The following SEPTIN9 variants were observed in gnomAD, a reference collection of about 807,000 sequenced individuals.
SEPTIN9 encodes the protein septin 9.
A neutral mutation model predicts 56.6 loss-of-function variants in SEPTIN9; 13 were observed. That is an observed-to-expected ratio of 0.23 (90% CI 0.15 to 0.37). The LOEUF is 0.37. SEPTIN9 is among the 10% of genes least tolerant of loss of function. SEPTIN9 has a pLI of 1.00. For synonymous variants in SEPTIN9, 332 were observed against 334.1 expected (o/e 0.99, Z 0.07); for missense variants, 650 against 823.1 (o/e 0.79, Z 2.57).
chr17:77,320,722 T>G (rs899864722), intron 2 of SEPTIN9, among the ~76,000 whole-genome samples: 1 of 152,042 alleles, frequency 6.6e-6, no homozygotes, highest in Admixed American at 6.6e-5. Context: ...TGGCTGGTGG[T>G]TGGTTTGTCC....
intron 3 of SEPTIN9, among the ~76,000 whole-genome samples, chr17:77,409,709 G>T (rs2036221638): frequency 6.6e-6 from 1 of 152,144 alleles, no homozygotes; most frequent in Non-Finnish European, 1.5e-5. Context: ...GTCTGTACCC[G>T]CCGCCTCCCA....
intron 2 of SEPTIN9, among the ~76,000 whole-genome samples, chr17:77,333,281 A>G (rs1308925585): frequency 1.3e-5 from 2 of 152,216 alleles, no homozygotes; most frequent in African/African-American, 4.8e-5. Context: ...TGTCTTTTCA[A>G]ATCTGTTGCT....
intron 1 of SEPTIN9, among the ~76,000 whole-genome samples, chr17:77,284,653 G>A (rs1316955641): frequency 1.3e-5 from 2 of 151,852 alleles, no homozygotes; most frequent in African/African-American, 4.8e-5. Flanking sequence ...TTTTTGAGAC[G>A]GAGTCTCACT....
intron 2 of SEPTIN9, among the ~76,000 whole-genome samples, chr17:77,391,360 C>T (rs1469496547): frequency 6.6e-6 from 1 of 152,120 alleles, no homozygotes; most frequent in East Asian, 1.9e-4. Context: ...TAGCTTCCGG[C>T]GGCTCCTGGA....
rs1389315025 is a variant in SEPTIN9, at chr17:77,445,086, T to G, written c.722-37058T>G. 1 of 445,508 alleles carries G rather than the reference T, an allele frequency of 2.2e-6. No individual in the cohort carries two copies. The highest frequency in any genetic ancestry group is 2.6e-5 in the Admixed American group (1 of 39,138). 27.6% of individuals were successfully genotyped at this position (445,508 alleles called of 1,614,324 possible). A position where few individuals can be genotyped will look rare whatever the true frequency, so the allele number is the denominator to read the frequency against. ...GTGCAGAGGCCCCTCTGTCCCACCA[T>G]GCCTGCCTGGGGACGGCCTTCACTC... is the stretch of plus-strand genomic sequence containing the variant. On this transcript the variant is annotated intron_variant, in intron 3 of 11. Coordinates refer to ENST00000427177, the MANE Select transcript of SEPTIN9 (RefSeq NM_001113491.2). The surrounding 1 kb of genome is among the most constrained non-coding windows in gnomAD (Gnocchi z 4.7).
chr17:77,467,377 C>G (rs1272279163), intron 3 of SEPTIN9, among the ~76,000 whole-genome samples: 1 of 152,182 alleles, frequency 6.6e-6, no homozygotes, highest in Non-Finnish European at 1.5e-5. Flanking sequence ...GTCCTGTGTC[C>G]CTGGTCCTTA....
chr17:77,416,076 C>T (rs1229976809), intron 3 of SEPTIN9, among the ~76,000 whole-genome samples: 1 of 152,258 alleles, frequency 6.6e-6, no homozygotes, highest in African/African-American at 2.4e-5. Context: ...AGGCCCAGCC[C>T]TGCACGTGCA....
intron 2 of SEPTIN9, among the ~76,000 whole-genome samples, chr17:77,394,941 T>C (rs2035655966): frequency 6.6e-6 from 1 of 152,186 alleles, no homozygotes; most frequent in Admixed American, 6.5e-5. Flanking sequence ...CCGTAGGTGC[T>C]TGAGAATAGG....
intron 2 of SEPTIN9, among the ~76,000 whole-genome samples, chr17:77,348,120 C>T (rs958163763): frequency 3.9e-5 from 6 of 152,062 alleles, no homozygotes; most frequent in Non-Finnish European, 5.9e-5. Context: ...TTTATTCATT[C>T]TGACAGCCTC....
rs1051798620 is a variant in SEPTIN9, at chr17:77,405,891, A to G, written c.721+3188A>G. On this transcript the variant is annotated intron_variant, in intron 3 of 11. Transcript: ENST00000427177. The surrounding 1 kb of genome is among the most constrained non-coding windows in gnomAD (Gnocchi z 5.8). ...GGCTGGGAGTTCCCTGAGCCCCGAC[A>G]TGCACAGCTCTGACCAATCTCTGCG... 6.6e-5 allele frequency among the ~76,000 whole-genome samples: 10 copies of G among 152,236 alleles called. No individual in the cohort carries two copies. The highest frequency in any genetic ancestry group is 1.2e-4 in the African/African-American group (5 of 41,536).
At chr17:77,328,597 C>G (rs1351297162) in intron 2 of SEPTIN9, among the ~76,000 whole-genome samples, 2 of 148,694 alleles carry the variant, frequency 1.3e-5, no homozygotes, top group African/African-American at 4.9e-5. Context: ...ATCTCCTGAC[C>G]TCAAGTGATC....
intron 3 of SEPTIN9, among the ~76,000 whole-genome samples, chr17:77,447,380 C>T (rs2037782020): frequency 6.6e-6 from 1 of 152,194 alleles, no homozygotes. Flanking sequence ...CTTCAGGACC[C>T]TCCACCAAAA....
At chr17:77,403,051 C>T (rs1019694938) in intron 3 of SEPTIN9, among the ~76,000 whole-genome samples, 2 of 152,100 alleles carry the variant, frequency 1.3e-5, no homozygotes, top group African/African-American at 2.4e-5. Flanking sequence ...TGAGGAGCCA[C>T]GCAGGAACCA....
intron 2 of SEPTIN9, among the ~76,000 whole-genome samples, chr17:77,390,329 A>G (rs1377392974): frequency 1.7e-5 from 2 of 118,066 alleles, no homozygotes; most frequent in Non-Finnish European, 3.4e-5. Context: ...CCTGGGCGAC[A>G]GAGCAAGACT....
At chr17:77,339,348 T>G (rs992464129) in intron 2 of SEPTIN9, among the ~76,000 whole-genome samples, 15 of 152,200 alleles carry the variant, frequency 9.9e-5, no homozygotes, top group African/African-American at 3.6e-4. Flanking sequence ...AAAATCAAAT[T>G]TATCCCTTCT....
chr17:77,287,656 G>T (rs1217540457), intron 1 of SEPTIN9, among the ~76,000 whole-genome samples: 1 of 152,154 alleles, frequency 6.6e-6, no homozygotes, highest in Admixed American at 6.5e-5. Flanking sequence ...CCCACCCTGG[G>T]CATGGGCCCA....
intron 3 of SEPTIN9, chr17:77,466,679 G>A (rs1214240872): frequency 3.1e-6 from 2 of 648,028 alleles, no homozygotes; most frequent in Non-Finnish European, 3.8e-6. Context: ...GAGACCCTGG[G>A]GGCTCCCTCA....
At chr17:77,481,550 T>C (rs2039456555) in intron 3 of SEPTIN9, among the ~76,000 whole-genome samples, 1 of 152,080 alleles carries the variant, frequency 6.6e-6, no homozygotes, top group African/African-American at 2.4e-5. Flanking sequence ...TATCCCCCTT[T>C]CTTACAAGAC....
chr17:77,466,311 A>T (rs2038723459), intron 3 of SEPTIN9: 3 of 857,278 alleles, frequency 3.5e-6, no homozygotes, highest in Non-Finnish European at 4.2e-6. Context: ...GCGCAGCCTC[A>T]GGAAAGTGGT....
Sources: allele counts gnomAD v4.1 joint callset (sites outside exome capture counted in the v4.1 genomes callset), GRCh38; gene constraint gnomAD v4.1.1; non-coding constraint Gnocchi (gnomAD v3.1); transcripts MANE v1.5; gene names NCBI Gene and HGNC (gene_info 2026-07-23, HGNC 2026-07-21).